Variants in CFAP299 observed in about 807,000 individuals in gnomAD.
CFAP299 encodes the protein cilia- and flagella-associated protein 299.
CFAP299 carries 21 observed loss-of-function variants against 27.0 expected under a neutral mutation model. The observed-to-expected ratio is 0.78, with a 90% CI of 0.55 to 1.12. The LOEUF (loss-of-function observed/expected upper bound fraction) is 1.12, where lower values mean the gene tolerates loss of function less well. Among genes scored for constraint, CFAP299 ranks in the 50% most tolerant of loss-of-function variants. CFAP299 has a pLI of 0.00. For missense variants in CFAP299, 310 were observed against 276.6 expected (o/e 1.12, Z -0.86); for synonymous variants, 104 against 98.1 (o/e 1.06, Z -0.36).
At chr4:80,817,670 A>G (rs1729489288) in intron 3 of CFAP299, among the ~76,000 whole-genome samples, 1 of 152,146 alleles carries the variant, frequency 6.6e-6, no homozygotes, top group Non-Finnish European at 1.5e-5. Flanking sequence ...AGCACATAGC[A>G]TGCAATTATA....
chr4:80,688,800 A>G (rs1439842208), intron 3 of CFAP299, among the ~76,000 whole-genome samples: 1 of 151,794 alleles, frequency 6.6e-6, no homozygotes, highest in Non-Finnish European at 1.5e-5. Flanking sequence ...TTTGAAAAAA[A>G]TTTAGAAGAA....
At position 80,519,781 on chromosome 4, in the gene CFAP299, A is replaced by C. The variant is rs566336886; in HGVS notation, c.243-63312A>C. Among the ~76,000 whole-genome samples the C allele has an allele frequency of 6.0e-4, 92 of 152,286 alleles. 1 individual carries two copies. Among genetic ancestry groups the C allele is most frequent in the African/African-American group, 2.0e-3 (85 of 41,570 alleles). On this transcript the variant is annotated intron_variant, in intron 2 of 5. Coordinates refer to ENST00000358105, the MANE Select transcript of CFAP299 (RefSeq NM_152770.3). The stretch of plus-strand genomic sequence containing the variant: ...TAGAAATTTCAGTAGACCATGGCCA[A>C]ATATGTCAACACTATCCTGTAACTG...
At chr4:80,762,825 A>T (rs1002419931) in intron 3 of CFAP299, among the ~76,000 whole-genome samples, 6 of 152,134 alleles carry the variant, frequency 3.9e-5, no homozygotes, top group South Asian at 2.1e-4. Flanking sequence ...GGGGTAAAAA[A>T]GTCCTGACTT....
intron 2 of CFAP299, among the ~76,000 whole-genome samples, chr4:80,555,566 G>T (rs1734740223): frequency 6.6e-6 from 1 of 152,082 alleles, no homozygotes; most frequent in South Asian, 2.1e-4. Flanking sequence ...AGTTTCAGTA[G>T]GGATAATACC....
Position 80,388,033 on chromosome 4 carries a change from C to T in CFAP299, c.242+25149C>T, listed in dbSNP as rs138361147. On this transcript the variant is annotated intron_variant, in intron 2 of 5. Coordinates refer to ENST00000358105, the MANE Select transcript of CFAP299 (RefSeq NM_152770.3). ...CCTCCAGGGGTGGGTAGGGCTGCAT[C>T]ACCAGTGCCTGGATCTCCACCATTC... 83 of 694,168 alleles carry T rather than the reference C, an allele frequency of 1.2e-4. 1 individual carries two copies. In the Middle Eastern group the frequency reaches 2.1e-3, roughly 18 times the overall value. 43.0% of individuals were successfully genotyped at this position (694,168 alleles called of 1,614,324 possible).
intron 3 of CFAP299, among the ~76,000 whole-genome samples, chr4:80,729,527 C>T (rs118059738): frequency 9.9e-5 from 15 of 151,652 alleles, no homozygotes; most frequent in African/African-American, 2.4e-4. Context: ...AGTATGCTGC[C>T]GTGTTATAAG....
At chr4:80,600,290 C>T (rs562234104) in intron 3 of CFAP299, among the ~76,000 whole-genome samples, 1 of 152,242 alleles carries the variant, frequency 6.6e-6, no homozygotes, top group South Asian at 2.1e-4. Context: ...AGAAAATTTT[C>T]TCTTCCTCTA....
intron 5 of CFAP299, among the ~76,000 whole-genome samples, chr4:80,961,374 T>G (rs1738337168): frequency 6.6e-6 from 1 of 151,882 alleles, no homozygotes; most frequent in Admixed American, 6.6e-5. Context: ...TATGTGAACT[T>G]AAATTTTAAA....
At chr4:80,387,569 G>A in intron 2 of CFAP299, 2 of 1,003,768 alleles carry the variant, frequency 2.0e-6, no homozygotes, top group Non-Finnish European at 3.2e-6. Context: ...TGCCTACTGG[G>A]GTTCAGGGCC....
At chr4:80,463,466 G>A (rs549151751) in intron 2 of CFAP299, among the ~76,000 whole-genome samples, 2 of 152,252 alleles carry the variant, frequency 1.3e-5, no homozygotes, top group African/African-American at 4.8e-5. Context: ...TATATTATAT[G>A]TATTAGTCTG....
At chr4:80,800,383 AT>A (rs1728395442) in intron 3 of CFAP299, among the ~76,000 whole-genome samples, 1 of 64,346 alleles carries the variant, frequency 1.6e-5, no homozygotes, top group South Asian at 5.1e-4. Context: ...TATATAATAT[AT>A]AATATATTAA....
In CFAP299 at chr4:80,781,832, T is replaced by TA. The variant is rs879798534; in HGVS notation, c.334-88149dup. Among the ~76,000 whole-genome samples the TA allele has an allele frequency of 4.8e-3, 634 of 132,160 alleles. 4 individuals are homozygous for TA. Among genetic ancestry groups the TA allele is most frequent in the Non-Finnish European group, 5.5e-3 (332 of 60,324 alleles). The allele number at this position is 132,160 out of a possible 152,430, so 86.7% of individuals were successfully genotyped here. ...CTCAAATTGCTAAGCCACAATAGAA[T>TA]AAAAAAAAAAAAGGTCCCTTAGAAA... On this transcript the variant is annotated intron_variant, in intron 3 of 5. Coordinates refer to ENST00000358105, the MANE Select transcript of CFAP299 (RefSeq NM_152770.3).
chr4:80,898,789 T>G (rs941458357), intron 4 of CFAP299, among the ~76,000 whole-genome samples: 5 of 152,224 alleles, frequency 3.3e-5, no homozygotes, highest in Non-Finnish European at 7.4e-5. Context: ...ATGATAGTGA[T>G]GAGTAAATTA....
chr4:80,812,706 T>C (rs1729219867), intron 3 of CFAP299, among the ~76,000 whole-genome samples: 1 of 152,068 alleles, frequency 6.6e-6, no homozygotes, highest in Non-Finnish European at 1.5e-5. Flanking sequence ...AACTGTCACT[T>C]AGGAAACACA....
intron 3 of CFAP299, among the ~76,000 whole-genome samples, chr4:80,782,559 A>C (rs1444574818): frequency 1.4e-5 from 2 of 144,116 alleles, no homozygotes; most frequent in African/African-American, 5.1e-5. Flanking sequence ...ACATATTGAT[A>C]TATAATATAC....
chr4:80,638,934 T>C (rs975500734), intron 3 of CFAP299, among the ~76,000 whole-genome samples: 1 of 152,162 alleles, frequency 6.6e-6, no homozygotes, highest in African/African-American at 2.4e-5. Flanking sequence ...TAGATTTCTA[T>C]TGAGAGTTCT....
At chr4:80,329,840 C>A in the CFAP299 span, among the ~76,000 whole-genome samples, 5 of 152,248 alleles carry the variant, frequency 3.3e-5, no homozygotes, top group African/African-American at 9.6e-5. Flanking sequence ...CTTAGGAATT[C>A]TATAGAGATT....
the CFAP299 span, among the ~76,000 whole-genome samples, chr4:80,329,206 T>TA: frequency 2.1e-5 from 1 of 48,360 alleles, no homozygotes; most frequent in Non-Finnish European, 4.2e-5. Context: ...GTACACTGTA[T>TA]ACATATATAT....
chr4:80,923,836 A>C (rs898254253), intron 4 of CFAP299, among the ~76,000 whole-genome samples: 3 of 151,996 alleles, frequency 2.0e-5, no homozygotes, highest in African/African-American at 7.2e-5. Flanking sequence ...TTTGAACACT[A>C]ACTGGGTATT....
Sources: gnomAD v4.1 joint callset for allele counts (sites outside exome capture counted in the v4.1 genomes callset) on GRCh38, gnomAD v4.1.1 for gene constraint, MANE v1.5 for transcripts, NCBI Gene and HGNC (gene_info 2026-07-23, HGNC 2026-07-21) for gene names.